PPP2R2B: variants seen among roughly 807,000 people sequenced by gnomAD.
PPP2R2B encodes the protein serine/threonine-protein phosphatase 2A 55 kDa regulatory subunit B beta isoform.
In PPP2R2B, 5 loss-of-function variants were observed where a neutral mutation model predicts 46.0. That is an observed-to-expected ratio of 0.11 (90% CI 0.06 to 0.23). The LOEUF (loss-of-function observed/expected upper bound fraction) is 0.23, where lower values mean the gene tolerates loss of function less well. Ranked by LOEUF, PPP2R2B falls within the 10% of genes least tolerant of loss-of-function variation. The probability of loss-of-function intolerance (pLI) is 1.00; values close to 1 mark genes in which losing one functional copy is unlikely to be tolerated. For missense variants in PPP2R2B, 367 were observed against 575.0 expected, an observed-to-expected ratio of 0.64 and a Z score of 3.70; for synonymous variants, 215 against 206.7, an observed-to-expected ratio of 1.04 and a Z score of -0.34.
intron 2 of PPP2R2B, among the ~76,000 whole-genome samples, chr5:147,064,375 C>A (rs1211010673): frequency 6.6e-6 from 1 of 152,060 alleles, no homozygotes; most frequent in African/African-American, 2.4e-5. Flanking sequence ...CCAATAGAGG[C>A]CAGTAGCACA....
intron 1 of PPP2R2B, among the ~76,000 whole-genome samples, chr5:146,977,005 C>T (rs991270355): frequency 6.6e-6 from 1 of 151,696 alleles, no homozygotes; most frequent in South Asian, 2.1e-4. Flanking sequence ...ATAATAACAA[C>T]TTCATCTTTC....
At chr5:146,727,875 C>T (rs1303889371) in intron 2 of PPP2R2B, among the ~76,000 whole-genome samples, 4 of 152,002 alleles carry the variant, frequency 2.6e-5, no homozygotes, top group East Asian at 1.9e-4. Context: ...TCTCAACCCC[C>T]AACTCCGAAA....
intron 5 of PPP2R2B, among the ~76,000 whole-genome samples, chr5:146,670,308 T>C (rs1204171247): frequency 6.6e-6 from 1 of 152,058 alleles, no homozygotes; most frequent in Non-Finnish European, 1.5e-5. Flanking sequence ...TAAAGAGCAA[T>C]AGAAAATACA....
At chr5:146,945,076 C>A (rs991359486) in intron 1 of PPP2R2B, among the ~76,000 whole-genome samples, 1 of 152,188 alleles carries the variant, frequency 6.6e-6, no homozygotes, top group Non-Finnish European at 1.5e-5. Context: ...AATTATTTTT[C>A]AAATTAGGCC....
intron 1 of PPP2R2B, among the ~76,000 whole-genome samples, chr5:147,008,306 TA>T (rs1340052845): frequency 9.2e-5 from 14 of 152,246 alleles, no homozygotes; most frequent in South Asian, 2.1e-4. Flanking sequence ...GATGAAGGGA[TA>T]GGGGGAGGAA....
intron 1 of PPP2R2B, among the ~76,000 whole-genome samples, chr5:146,934,556 A>G (rs181225899): frequency 1.2e-4 from 17 of 137,080 alleles, no homozygotes; most frequent in Non-Finnish European, 2.2e-4. Context: ...GAGGTGTCCT[A>G]GAGTTAGAAG....
At chr5:146,651,492 A>C (rs1775956439) in intron 5 of PPP2R2B, among the ~76,000 whole-genome samples, 1 of 152,206 alleles carries the variant, frequency 6.6e-6, no homozygotes, top group Non-Finnish European at 1.5e-5. Flanking sequence ...GAGAATCGGC[A>C]ACTAAATAGT....
intron 1 of PPP2R2B, among the ~76,000 whole-genome samples, chr5:146,961,912 TG>T (rs1192582683): frequency 3.9e-5 from 6 of 151,928 alleles, no homozygotes; most frequent in Non-Finnish European, 7.4e-5. Context: ...TGGCAATTCC[TG>T]GTCATTGCTT....
At chr5:147,023,544 T>C (rs1755386446) in intron 1 of PPP2R2B, among the ~76,000 whole-genome samples, 1 of 152,190 alleles carries the variant, frequency 6.6e-6, no homozygotes, top group Admixed American at 6.5e-5. Context: ...AAAAGACCTA[T>C]GATGTAAACA....
chr5:146,701,029 A>T lies in PPP2R2B; in HGVS notation c.168+16T>A. On this transcript the variant is annotated intron_variant, in intron 3 of 9. Transcript: ENST00000394411. ...AAAGTGAAGAAAATGGGCATTTTGCATTCACCACCACTTACCTCCTGCTCT... is the reference window on the plus strand; with the variant it reads ...AAAGTGAAGAAAATGGGCATTTTGCTTTCACCACCACTTACCTCCTGCTCT... 6.3e-7 allele frequency: 1 copy of T among 1,592,980 alleles called. No individual in the cohort carries two copies. The highest frequency in any genetic ancestry group is 8.6e-7 in the Non-Finnish European group (1 of 1,160,776).
chr5:146,639,771 T>C (rs1775073115), intron 6 of PPP2R2B, among the ~76,000 whole-genome samples: 1 of 152,250 alleles, frequency 6.6e-6, no homozygotes. Context: ...TTCACTTTTT[T>C]CTTTACTTAG....
intron 2 of PPP2R2B, among the ~76,000 whole-genome samples, chr5:146,821,778 A>C (rs1185176780): frequency 1.0e-5 from 1 of 99,990 alleles, no homozygotes; most frequent in Non-Finnish European, 1.9e-5. Flanking sequence ...GTACTCTGCC[A>C]AAAAAAAAAA....
At chr5:146,987,109 A>G (rs561541400) in intron 1 of PPP2R2B, among the ~76,000 whole-genome samples, 5 of 152,230 alleles carry the variant, frequency 3.3e-5, no homozygotes, top group African/African-American at 1.2e-4. Context: ...TGATATATTC[A>G]AAATGATTTA....
At chr5:146,851,282 A>G (rs1285758154) in intron 2 of PPP2R2B, among the ~76,000 whole-genome samples, 1 of 152,164 alleles carries the variant, frequency 6.6e-6, no homozygotes, top group Non-Finnish European at 1.5e-5. Context: ...TTCAACATTT[A>G]ACAAATATTT....
intron 1 of PPP2R2B, among the ~76,000 whole-genome samples, chr5:147,011,147 A>C (rs979867109): frequency 6.6e-6 from 1 of 152,092 alleles, no homozygotes; most frequent in South Asian, 2.1e-4. Flanking sequence ...TGTCACAGGC[A>C]CACTCATGGC....
chr5:146,810,455 T>C (rs950220943), intron 2 of PPP2R2B, among the ~76,000 whole-genome samples: 2 of 152,082 alleles, frequency 1.3e-5, no homozygotes, highest in Admixed American at 1.3e-4. Context: ...TGGGTCCATC[T>C]CACAACAGGA....
At chr5:146,913,941 C>T (rs1218920290) in intron 1 of PPP2R2B, among the ~76,000 whole-genome samples, 1 of 152,096 alleles carries the variant, frequency 6.6e-6, no homozygotes, top group East Asian at 1.9e-4. Context: ...TCTGGCCAAC[C>T]CAACTTCAAA....
chr5:146,870,573 C>T (rs564732259), intron 2 of PPP2R2B, among the ~76,000 whole-genome samples: 36 of 152,276 alleles, frequency 2.4e-4, no homozygotes, highest in African/African-American at 8.7e-4. Flanking sequence ...TTTAGGCAAC[C>T]CAGTATGTGG....
intron 2 of PPP2R2B, among the ~76,000 whole-genome samples, chr5:146,777,565 T>G (rs1418813147): frequency 6.6e-6 from 1 of 152,152 alleles, no homozygotes; most frequent in African/African-American, 2.4e-5. Flanking sequence ...ACACTGTGAA[T>G]GTAATTAACG....
Sources: gnomAD v4.1 joint callset for allele counts (sites outside exome capture counted in the v4.1 genomes callset) on GRCh38, gnomAD v4.1.1 for gene constraint, MANE v1.5 for transcripts, NCBI Gene and HGNC (gene_info 2026-07-23, HGNC 2026-07-21) for gene names.